Variants in LRRFIP2 observed in about 807,000 individuals in gnomAD.
The protein encoded by LRRFIP2 is leucine-rich repeat flightless-interacting protein 2.
In LRRFIP2, 109 loss-of-function variants were observed where a neutral mutation model predicts 125.9. The observed-to-expected ratio is 0.87, with a 90% CI of 0.74 to 1.01. LRRFIP2 has a LOEUF of 1.01. Among genes scored for constraint, LRRFIP2 ranks in the 50% least tolerant of loss-of-function variants. The pLI is 0.00. For missense variants in LRRFIP2, 850 were observed against 862.3 expected (o/e 0.99, Z 0.18); for synonymous variants, 291 against 293.1 (o/e 0.99, Z 0.07).
At chr3:37,063,981 C>T (rs1032447109) in intron 23 of LRRFIP2, 190 bp from the exon 24 acceptor site, 1 of 540,034 alleles carries the variant, frequency 1.9e-6, no homozygotes, top group African/African-American at 1.9e-5. Flanking sequence ...AAAGTATTTC[C>T]ACACAACTGA....
rs1169434629 is a variant in LRRFIP2 at position 37,117,077 on chromosome 3, G to A, written c.331-1982C>T. Among the ~76,000 whole-genome samples, 5 of 149,610 alleles carry A rather than the reference G, an allele frequency of 3.3e-5. No individual in the cohort carries two copies. The East Asian group carries it at 5.9e-4, about 18-fold the overall frequency. On this transcript the variant is annotated intron_variant, in intron 6 of 27. Transcript: ENST00000336686. The stretch of plus-strand genomic sequence containing the variant: ...GAGACACTTCCCCAAAAATAAAGTT[G>A]CTTCTCTATAGAAATTTCTAAATTA...
intron 2 of LRRFIP2, chr3:37,140,229 T>A (rs1321781025): frequency 6.6e-6 from 1 of 152,142 alleles, no homozygotes; most frequent in East Asian, 1.9e-4. Flanking sequence ...TCATTCTATA[T>A]TCTCTCCTGG....
chr3:37,145,705 A>C (rs1021056798), intron 2 of LRRFIP2, among the ~76,000 whole-genome samples: 2 of 152,238 alleles, frequency 1.3e-5, no homozygotes, highest in Admixed American at 1.3e-4. Flanking sequence ...AACTGCTTTC[A>C]AAGTCATGAA....
At chr3:37,121,451 C>G (rs1427779272) in intron 6 of LRRFIP2, 41 bp downstream of exon 6, 1 of 1,583,592 alleles carries the variant, frequency 6.3e-7, no homozygotes, top group Non-Finnish European at 8.7e-7. Context: ...AGAAAGCTCA[C>G]ACGTAAGCTT....
intron 4 of LRRFIP2, among the ~76,000 whole-genome samples, chr3:37,124,805 G>A (rs926508180): frequency 2.6e-5 from 4 of 152,094 alleles, no homozygotes; most frequent in African/African-American, 9.7e-5. Context: ...TTCCTTCTCT[G>A]GAAGAACAAA....
In LRRFIP2 at chr3:37,134,044, T is replaced by C. The variant is rs1485290974; in HGVS notation, c.91-4895A>G. Among the ~76,000 whole-genome samples the C allele has an allele frequency of 2.6e-5, 4 of 152,226 alleles. No homozygotes were observed. In the East Asian group the frequency reaches 7.7e-4, roughly 29 times the overall value. ...TAAAAATACAAAAATTAGCCAGGCA[T>C]GGTAGCGCTTGCCTGTAGTCCCAGC... On this transcript the variant is annotated intron_variant, in intron 2 of 27. Transcript: ENST00000336686.
intron 2 of LRRFIP2, among the ~76,000 whole-genome samples, chr3:37,148,430 G>A (rs537322797): frequency 1.3e-5 from 2 of 152,306 alleles, no homozygotes; most frequent in South Asian, 4.1e-4. Context: ...CTTAAGATCA[G>A]TTTTACCTAG....
At chr3:37,098,451 G>A (rs1376096450) in intron 15 of LRRFIP2, among the ~76,000 whole-genome samples, 2 of 150,556 alleles carry the variant, frequency 1.3e-5, no homozygotes, top group African/African-American at 2.4e-5. Context: ...GCAATGGTGC[G>A]ATCTTGGCTC....
intron 18 of LRRFIP2, among the ~76,000 whole-genome samples, chr3:37,086,039 C>T (rs1184472312): frequency 6.6e-6 from 1 of 152,116 alleles, no homozygotes. Context: ...AAAGGACACA[C>T]AAATCAATTT....
chr3:37,161,588 T>C (rs1332259512), intron 1 of LRRFIP2, among the ~76,000 whole-genome samples: 1 of 152,140 alleles, frequency 6.6e-6, no homozygotes, highest in Non-Finnish European at 1.5e-5. Flanking sequence ...TGCTATGGTA[T>C]GAAGTTTCCT....
intron 23 of LRRFIP2, 175 bp from the exon 24 acceptor site, chr3:37,063,966 T>C (rs1199628776): frequency 5.3e-6 from 3 of 562,180 alleles, no homozygotes; most frequent in Non-Finnish European, 9.6e-6. Flanking sequence ...TTCTTAACTA[T>C]CTAAAAAGTA....
chr3:37,097,484 G>C (rs1038843812), intron 15 of LRRFIP2, among the ~76,000 whole-genome samples: 8 of 152,062 alleles, frequency 5.3e-5, no homozygotes, highest in African/African-American at 1.7e-4. Flanking sequence ...CTCTATATCA[G>C]TATGTTCTTT....
Position 37,096,611 on chromosome 3 carries a change from C to G in LRRFIP2, c.918+5G>C. 6.5e-7 allele frequency: 1 copy of G among 1,533,542 alleles called. No homozygotes were observed. Among genetic ancestry groups the G allele is most frequent in the Non-Finnish European group, 9.0e-7 (1 of 1,117,210 alleles). 95.0% of individuals were successfully genotyped at this position (1,533,542 alleles called of 1,614,324 possible). Reference sequence around the variant, plus strand: ...AGAATTTCCCTTAGGAATTTACATACTCACTCTTGTATAATTTTCAGCATA... The same window carrying G: ...AGAATTTCCCTTAGGAATTTACATAGTCACTCTTGTATAATTTTCAGCATA... On this transcript the variant is annotated splice_donor_5th_base_variant and intron_variant, in intron 16 of 27. Coordinates refer to ENST00000336686, the MANE Select transcript of LRRFIP2 (RefSeq NM_006309.4).
At chr3:37,125,687 A>G (rs911751484) in intron 4 of LRRFIP2, among the ~76,000 whole-genome samples, 2 of 152,160 alleles carry the variant, frequency 1.3e-5, no homozygotes, top group Admixed American at 1.3e-4. Flanking sequence ...TTCCCTATTC[A>G]TGTCCCAACA....
chr3:37,122,565 T>C (rs895421100), intron 4 of LRRFIP2, among the ~76,000 whole-genome samples: 1 of 152,214 alleles, frequency 6.6e-6, no homozygotes, highest in African/African-American at 2.4e-5. Context: ...TAAGACAGTA[T>C]ATGATTCTAA....
chr3:37,134,440 G>A (rs1577203050), intron 2 of LRRFIP2, among the ~76,000 whole-genome samples: 1 of 152,172 alleles, frequency 6.6e-6, no homozygotes, highest in Admixed American at 6.5e-5. Flanking sequence ...ATTCGGAAGA[G>A]CACAAAAAAC....
At chr3:37,126,827 C>G (rs1256732081) in intron 4 of LRRFIP2, among the ~76,000 whole-genome samples, 1 of 150,960 alleles carries the variant, frequency 6.6e-6, no homozygotes, top group Non-Finnish European at 1.5e-5. Context: ...CCACTGAACT[C>G]CAGCCTGGGC....
chr3:37,073,183 A>G (rs535170657), intron 20 of LRRFIP2, among the ~76,000 whole-genome samples: 20 of 152,332 alleles, frequency 1.3e-4, no homozygotes, highest in Admixed American at 9.1e-4. Context: ...CTCCATATGT[A>G]TATTCTTTCT....
chr3:37,171,751 G>A (rs544920819), intron 1 of LRRFIP2, among the ~76,000 whole-genome samples: 1 of 152,250 alleles, frequency 6.6e-6, no homozygotes, highest in South Asian at 2.1e-4. Flanking sequence ...CTTCTTTCCT[G>A]ACTAATAATA....
Sources: gnomAD v4.1 joint callset for allele counts (sites outside exome capture counted in the v4.1 genomes callset) on GRCh38, gnomAD v4.1.1 for gene constraint, MANE v1.5 for transcripts, NCBI Gene and HGNC (gene_info 2026-07-23, HGNC 2026-07-21) for gene names.